The following KDM3B variants were observed in gnomAD, a reference collection of about 807,000 sequenced individuals.
KDM3B encodes the protein lysine demethylase 3B, also known as lysine-specific demethylase 3B.
A neutral mutation model predicts 170.0 loss-of-function variants in KDM3B; 10 were observed. The ratio of observed to expected loss-of-function variants is 0.06; its 90% CI spans 0.04 to 0.10. The LOEUF (loss-of-function observed/expected upper bound fraction) is 0.10, where lower values mean the gene tolerates loss of function less well. KDM3B is among the 10% of genes least tolerant of loss of function. KDM3B has a pLI of 1.00. For synonymous variants in KDM3B, 831 were observed against 834.8 expected (o/e 1.00, Z 0.08); for missense variants, 1,394 against 2,195.2 (o/e 0.64, Z 7.29).
intron 11 of KDM3B, among the ~76,000 whole-genome samples, chr5:138,404,783 G>C (rs909368181): frequency 6.6e-6 from 1 of 152,040 alleles, no homozygotes; most frequent in Non-Finnish European, 1.5e-5. Flanking sequence ...AAGTGCAGGG[G>C]TGTGATCTCT....
intron 1 of KDM3B, 123 bp from the exon 2 acceptor site, chr5:138,372,551 C>G: frequency 1.2e-6 from 1 of 838,406 alleles, no homozygotes; most frequent in South Asian, 1.9e-5. Flanking sequence ...ATTAAAATAA[C>G]TTAAACACAA....
At chr5:138,358,914 G>A (rs147772643) in intron 1 of KDM3B, among the ~76,000 whole-genome samples, 2,351 of 151,032 alleles carry the variant, frequency 0.016, 56 homozygotes, top group African/African-American at 0.053. Context: ...TTTAGCATTA[G>A]GTATATCTCC....
chr5:138,428,135 G>A, intron 20 of KDM3B, 49 bp downstream of exon 20: 1 of 1,579,718 alleles, frequency 6.3e-7, no homozygotes, highest in African/African-American at 1.4e-5. Flanking sequence ...CTTTGTCTTG[G>A]GAATACAGTT....
At chr5:138,377,892 A>G in intron 4 of KDM3B, 67 bp downstream of exon 4, 1 of 1,109,558 alleles carries the variant, frequency 9.0e-7, no homozygotes, top group Non-Finnish European at 1.4e-6. Context: ...GAGTGATAGT[A>G]TGGAATCCCA....
Position 138,398,242 on chromosome 5 carries a change from C to T in KDM3B, c.2896C>T (p.Pro966Ser). The change falls in exon 10 of 24, where the codon CCT (proline) becomes TCT (serine). Residue 966 changes from proline (P) to serine (S), a missense_variant. Pro to Ser is a moderately conservative substitution (Grantham distance 74, BLOSUM62 -1). Around this residue, in one of 19 missense-constraint regions of KDM3B, gnomAD observed 76 missense variants for 190.2 expected, o/e 0.40. Transcript: ENST00000314358. ...GTTTTTAAGCCCCCAGCAAAGTGAC[C>T]CTGATGCCATGAACCTGTGGATTCC... is the stretch of plus-strand genomic sequence containing the variant. ...EGFLSPQQSDPDAMNLWIPSS... is the reference protein window; with the variant it reads ...EGFLSPQQSDSDAMNLWIPSS... 1 of 1,614,096 alleles carries T rather than the reference C, an allele frequency of 6.2e-7. No individual in the cohort carries two copies. Among genetic ancestry groups the T allele is most frequent in the Non-Finnish European group, 8.5e-7 (1 of 1,180,014 alleles).
chr5:138,384,740 C>CAAAAA (rs58389517), intron 6 of KDM3B, among the ~76,000 whole-genome samples: 1 of 85,954 alleles, frequency 1.2e-5, no homozygotes, highest in Non-Finnish European at 2.7e-5. Context: ...ACTCTTGTCT[C>CAAAAA]AAAAAAAAAA....
At chr5:138,390,515 G>T (rs1247992986) in intron 7 of KDM3B, among the ~76,000 whole-genome samples, 3 of 152,258 alleles carry the variant, frequency 2.0e-5, no homozygotes, top group Middle Eastern at 3.4e-3. Flanking sequence ...CAGTAGGCTT[G>T]TCCTAGGATT....
intron 11 of KDM3B, among the ~76,000 whole-genome samples, chr5:138,407,632 C>T (rs1354192785): frequency 2.0e-5 from 3 of 152,166 alleles, no homozygotes; most frequent in African/African-American, 4.8e-5. Context: ...TTCATCAAAA[C>T]GCAACATCTG....
chr5:138,420,302 A>G (rs1763239833), intron 14 of KDM3B, among the ~76,000 whole-genome samples: 1 of 152,236 alleles, frequency 6.6e-6, no homozygotes, highest in Non-Finnish European at 1.5e-5. Flanking sequence ...GGAATGGTTA[A>G]AAATGCAGAT....
intron 1 of KDM3B, among the ~76,000 whole-genome samples, chr5:138,371,751 GC>G (rs1761880343): frequency 6.6e-6 from 1 of 152,206 alleles, no homozygotes; most frequent in Admixed American, 6.5e-5. Context: ...GATCACTTGA[GC>G]CCAGAAGTTC....
intron 14 of KDM3B, among the ~76,000 whole-genome samples, chr5:138,419,525 G>C (rs1763199170): frequency 6.6e-6 from 1 of 150,774 alleles, no homozygotes; most frequent in Non-Finnish European, 1.5e-5. Context: ...CGAGGTGGCG[G>C]GTGCCTGTAG....
intron 5 of KDM3B, 96 bp downstream of exon 5, chr5:138,379,804 G>T: frequency 8.2e-7 from 1 of 1,225,410 alleles, no homozygotes; most frequent in Non-Finnish European, 1.1e-6. Flanking sequence ...GATGACTTGG[G>T]TTTCATCCCT....
intron 11 of KDM3B, among the ~76,000 whole-genome samples, chr5:138,409,777 G>GA (rs1197031376): frequency 2.0e-5 from 3 of 152,046 alleles, no homozygotes; most frequent in Non-Finnish European, 4.4e-5. Flanking sequence ...AAAAGATAAA[G>GA]AAAAAATAAC....
At chr5:138,399,212 A>C (rs907833034) in intron 10 of KDM3B, among the ~76,000 whole-genome samples, 1 of 151,360 alleles carries the variant, frequency 6.6e-6, no homozygotes, top group African/African-American at 2.4e-5. Flanking sequence ...TCAAGGGAGG[A>C]ATCCTCTTAT....
Position 138,419,242 on chromosome 5 carries a change from A to C in KDM3B, c.3715+10A>C, listed in dbSNP as rs769112008. On this transcript the variant is annotated intron_variant, in intron 14 of 23. Coordinates refer to ENST00000314358, the MANE Select transcript of KDM3B (RefSeq NM_016604.4). Reference sequence around the variant, plus strand: ...AAAGAAGAAACAAAAGGTGAGATGCACACAAACCTCTGCTCTGCCTATGGT... The same window carrying C: ...AAAGAAGAAACAAAAGGTGAGATGCCCACAAACCTCTGCTCTGCCTATGGT... 1 of 1,610,894 alleles carries C rather than the reference A, an allele frequency of 6.2e-7. No individual in the cohort carries two copies. Among genetic ancestry groups the C allele is most frequent in the South Asian group, 1.1e-5 (1 of 90,970 alleles).
intron 6 of KDM3B, among the ~76,000 whole-genome samples, chr5:138,383,251 G>T (rs1410544178): frequency 1.3e-5 from 2 of 151,714 alleles, no homozygotes; most frequent in Admixed American, 6.6e-5. Flanking sequence ...TGATTCTTCT[G>T]TCTCAGCCTC....
chr5:138,423,918 T>C (rs1404603491), intron 15 of KDM3B, among the ~76,000 whole-genome samples, 157 bp from the exon 16 acceptor site: 1 of 152,244 alleles, frequency 6.6e-6, no homozygotes, highest in Non-Finnish European at 1.5e-5. Flanking sequence ...TGTTGACTTA[T>C]TATCCCCCTT....
In KDM3B at chr5:138,352,841, C is replaced by T; in HGVS notation, c.46C>T (p.Leu16=). ...ASPVGKRLLL[L]FADTAASASA... ...CCCGGTGGGCAAGCGGCTGCTGCTG[C>T]TGTTCGCGGACACTGCGGCCTCAGC... Residue 16 remains leucine (L), a synonymous_variant, in exon 1 of 24, where the codon CTG becomes TTG. Coordinates refer to ENST00000314358, the MANE Select transcript of KDM3B (RefSeq NM_016604.4). 1 of 1,363,600 alleles carries T rather than the reference C, an allele frequency of 7.3e-7. No homozygotes were observed. Among genetic ancestry groups the T allele is most frequent in the Non-Finnish European group, 9.5e-7 (1 of 1,054,858 alleles). The allele number at this position is 1,363,600 out of a possible 1,614,324, so 84.5% of individuals were successfully genotyped here.
chr5:138,432,097 C>G (rs1163109984), intron 23 of KDM3B, among the ~76,000 whole-genome samples: 1 of 152,108 alleles, frequency 6.6e-6, no homozygotes, highest in African/African-American at 2.4e-5. Context: ...TCATTTCTGT[C>G]CGTTTCAGAG....
Sources: allele counts gnomAD v4.1 joint callset (sites outside exome capture counted in the v4.1 genomes callset), GRCh38; gene constraint gnomAD v4.1.1; regional missense constraint gnomAD v4.1.1; transcripts MANE v1.5; gene names NCBI Gene and HGNC (gene_info 2026-07-23, HGNC 2026-07-21).